CASZ1: variants seen among roughly 807,000 people sequenced by gnomAD.
The protein encoded by CASZ1 is castor zinc finger 1, also known as zinc finger protein castor homolog 1.
A neutral mutation model predicts 135.2 loss-of-function variants in CASZ1; 28 were observed. The ratio of observed to expected loss-of-function variants is 0.21; its 90% CI spans 0.15 to 0.28. The LOEUF (loss-of-function observed/expected upper bound fraction) is 0.28. Among genes scored for constraint, CASZ1 ranks in the 10% least tolerant of loss-of-function variants. CASZ1 has a pLI of 1.00. For synonymous variants in CASZ1, 1,068 were observed against 1,073.4 expected (o/e 0.99, Z 0.10); for missense variants, 2,161 against 2,453.3 (o/e 0.88, Z 2.52).
chr1:10,692,224 TG>T (rs1243610114), intron 4 of CASZ1, among the ~76,000 whole-genome samples: 1 of 152,224 alleles, frequency 6.6e-6, no homozygotes, highest in Non-Finnish European at 1.5e-5. Flanking sequence ...GGATGGACGC[TG>T]GCTCCAGCTG....
At chr1:10,752,621 T>C (rs1273590618) in intron 2 of CASZ1, among the ~76,000 whole-genome samples, 1 of 152,206 alleles carries the variant, frequency 6.6e-6, no homozygotes, top group Non-Finnish European at 1.5e-5. Context: ...CAGGGAGTGC[T>C]GGCTCTTCCA....
In CASZ1 at chr1:10,788,087, G is replaced by A. The variant is rs1279149744; in HGVS notation, c.-234+8477C>T. 2.0e-5 allele frequency among the ~76,000 whole-genome samples: 3 copies of A among 152,164 alleles called. No individual in the cohort carries two copies. The highest frequency in any genetic ancestry group is 4.4e-5 in the Non-Finnish European group (3 of 68,030). ...CAAACATCTTAGAATCCCAGAGAAC[G>A]TTAGCTGGATACGGGGATGTTCTCA... On this transcript the variant is annotated intron_variant, in intron 1 of 20. Transcript: ENST00000377022. The surrounding 1 kb of genome is among the most constrained non-coding windows in gnomAD (Gnocchi z 4.1).
intron 3 of CASZ1, among the ~76,000 whole-genome samples, chr1:10,695,564 T>TC (rs1557514501): frequency 1.9e-4 from 2 of 10,544 alleles, no homozygotes; most frequent in South Asian, 4.9e-3. Context: ...TCCCGGCTCC[T>TC]CCTCCCCTCC....
At chr1:10,763,910 T>G (rs1001208418) in intron 1 of CASZ1, among the ~76,000 whole-genome samples, 2 of 152,234 alleles carry the variant, frequency 1.3e-5, no homozygotes, top group Non-Finnish European at 2.9e-5. Context: ...TCACCCAGGC[T>G]GGAGTGCAGT....
intron 2 of CASZ1, among the ~76,000 whole-genome samples, chr1:10,745,851 C>T (rs544796760): frequency 2.0e-5 from 3 of 152,318 alleles, no homozygotes; most frequent in East Asian, 1.9e-4. Context: ...GGGACAAAAA[C>T]GGGGAAGAGC....
chr1:10,694,007 C>T lies in CASZ1; in HGVS notation c.-23-95G>A. ...GCCGCCCGCCCTGCTTGTCCCCCGCCCCGCAGGAGCGGCCCGTCCCGGGCG... is the reference window on the plus strand; with the variant it reads ...GCCGCCCGCCCTGCTTGTCCCCCGCTCCGCAGGAGCGGCCCGTCCCGGGCG... On this transcript the variant is annotated intron_variant, in intron 3 of 20. Transcript: ENST00000377022. This position sits in a 1 kb window ranked among gnomAD's most constrained non-coding sequence, Gnocchi z 6.6. 8.1e-7 allele frequency: 1 copy of T among 1,229,574 alleles called. No homozygotes were observed. Among genetic ancestry groups the T allele is most frequent in the East Asian group, 2.6e-5 (1 of 38,290 alleles). The allele number at this position is 1,229,574 out of a possible 1,614,324, so 76.2% of individuals were successfully genotyped here.
intron 4 of CASZ1, among the ~76,000 whole-genome samples, chr1:10,692,607 G>C (rs1425172972): frequency 2.6e-5 from 4 of 152,174 alleles, no homozygotes; most frequent in Admixed American, 2.0e-4. Context: ...CTCCACGTCA[G>C]ACCAGCCAAG....
rs759487011 is a variant in CASZ1 at position 10,643,175 on chromosome 1, G to A, written c.4005C>T (p.Arg1335=). 3.2e-5 allele frequency: 51 copies of A among 1,611,470 alleles called. 1 individual carries two copies. In the South Asian group the frequency reaches 4.5e-4, roughly 14 times the overall value. ...MRRMLGKNFD[R]VPPSQGPPGL... Reference sequence around the variant, plus strand: ...GGGCTCTCACCTGGGAGGGGGGCACGCGGTCGAAGTTCTTCCCCAGCATCC... The same window carrying A: ...GGGCTCTCACCTGGGAGGGGGGCACACGGTCGAAGTTCTTCCCCAGCATCC... Residue 1335 remains arginine, a synonymous_variant, in exon 19 of 21, where the codon CGC becomes CGT. Coordinates refer to ENST00000377022, the MANE Select transcript of CASZ1 (RefSeq NM_001079843.3).
rs142686535 is a variant in CASZ1 at position 10,657,679 on chromosome 1, C to G, written c.1409+829G>C. 6.6e-6 allele frequency among the ~76,000 whole-genome samples: 1 copy of G among 151,124 alleles called. No individual in the cohort carries two copies. Among genetic ancestry groups the G allele is most frequent in the Non-Finnish European group, 1.5e-5 (1 of 67,820 alleles). ...ACAGAGACAGAGCAGGACAGGGGATCGGAGACAGAGTGGGACGTGGAGGCG... is the reference window on the plus strand; with the variant it reads ...ACAGAGACAGAGCAGGACAGGGGATGGGAGACAGAGTGGGACGTGGAGGCG... On this transcript the variant is annotated intron_variant, in intron 7 of 20. Coordinates refer to ENST00000377022, the MANE Select transcript of CASZ1 (RefSeq NM_001079843.3). This position sits in a 1 kb window ranked among gnomAD's most constrained non-coding sequence, Gnocchi z 5.7.
At chr1:10,671,875 G>C (rs1643411187) in intron 4 of CASZ1, among the ~76,000 whole-genome samples, 1 of 152,234 alleles carries the variant, frequency 6.6e-6, no homozygotes. Context: ...GATGATGGCA[G>C]AAACACCCTG....
chr1:10,705,648 T>C (rs954623315), intron 2 of CASZ1, 104 bp from the exon 3 acceptor site: 1 of 152,380 alleles, frequency 6.6e-6, no homozygotes, highest in Non-Finnish European at 1.5e-5. Context: ...CTGCCCCACA[T>C]GGGCTGAGGG....
In CASZ1 at chr1:10,653,810, C is replaced by T. The variant is rs754565740; in HGVS notation, c.2247G>A (p.Ala749=). 192 of 1,609,140 alleles carry T rather than the reference C, an allele frequency of 1.2e-4. 3 individuals are homozygous for T. The South Asian group carries it at 1.6e-3, about 13-fold the overall frequency. The change falls in exon 11 of 21, where the codon GCG becomes GCA. Residue 749 remains alanine (A), a synonymous_variant. Transcript: ENST00000377022. The stretch of plus-strand genomic sequence containing the variant: ...TGGCGGCAGTGGCGGCAGCCAGGGA[C>T]GCAGAGGACTGCTGGCTGGTAGGGG... ...SASPTSQQSS[A]SLAAATAATE...
chr1:10,767,160 A>T lies in CASZ1; in HGVS notation c.-233-6303T>A, dbSNP rs949809140. On this transcript the variant is annotated intron_variant, in intron 1 of 20. Transcript: ENST00000377022. The surrounding 1 kb of genome is among the most constrained non-coding windows in gnomAD (Gnocchi z 4.2). The stretch of plus-strand genomic sequence containing the variant: ...CGTCCGCATTCCTCATGAGTTCCTG[A>T]TGGGAGGAACGAGGAGTGGGGAAAA... Among the ~76,000 whole-genome samples the T allele has an allele frequency of 2.1e-4, 32 of 151,614 alleles. No individual in the cohort carries two copies. Among genetic ancestry groups the T allele is most frequent in the African/African-American group, 7.8e-4 (32 of 41,274 alleles).
At chr1:10,783,881 A>AC (rs1640807563) in intron 1 of CASZ1, among the ~76,000 whole-genome samples, 3 of 151,388 alleles carry the variant, frequency 2.0e-5, no homozygotes, top group Admixed American at 2.0e-4. Context: ...CAAAAAAAAA[A>AC]AAAAAAAAAA....
At chr1:10,708,308 C>G (rs1639216730) in intron 2 of CASZ1, among the ~76,000 whole-genome samples, 1 of 152,208 alleles carries the variant, frequency 6.6e-6, no homozygotes, top group Non-Finnish European at 1.5e-5. Flanking sequence ...CCCACCATCC[C>G]ATTGCACAAG....
rs918235441 is a variant in CASZ1, at chr1:10,739,355, C to T, written c.-77+21346G>A. Among the ~76,000 whole-genome samples the T allele has an allele frequency of 4.6e-5, 7 of 152,136 alleles. No individual in the cohort carries two copies. Among genetic ancestry groups the T allele is most frequent in the African/African-American group, 1.7e-4 (7 of 41,424 alleles). ...AGTGTCACCGCGAGGGAAACCCTCCCAGGGGCCCGGGCCCAGGGTGGCCAC... is the reference window on the plus strand; with the variant it reads ...AGTGTCACCGCGAGGGAAACCCTCCTAGGGGCCCGGGCCCAGGGTGGCCAC... On this transcript the variant is annotated intron_variant, in intron 2 of 20. Transcript: ENST00000377022. This position sits in a 1 kb window ranked among gnomAD's most constrained non-coding sequence, Gnocchi z 4.8.
At chr1:10,746,866 G>A (rs1306494996) in intron 2 of CASZ1, among the ~76,000 whole-genome samples, 1 of 152,194 alleles carries the variant, frequency 6.6e-6, no homozygotes. Flanking sequence ...CTGGCTCCTG[G>A]GCCATGGAGC....
chr1:10,759,743 T>C lies in CASZ1; in HGVS notation c.-77+958A>G, dbSNP rs930087784. Among the ~76,000 whole-genome samples, 1 of 152,032 alleles carries C rather than the reference T, an allele frequency of 6.6e-6. No individual in the cohort carries two copies. Among genetic ancestry groups the C allele is most frequent in the African/African-American group, 2.4e-5 (1 of 41,382 alleles). On this transcript the variant is annotated intron_variant, in intron 2 of 20. Transcript: ENST00000377022. The surrounding 1 kb of genome is among the most constrained non-coding windows in gnomAD (Gnocchi z 4.2). ...AGGACACACCTGCCCAGAGTGACCA[T>C]GGGGAGGAAGAGCGCAGGCAGGTGA...
At chr1:10,655,887 C>A in intron 8 of CASZ1, 74 bp from the exon 9 acceptor site, 3 of 1,496,920 alleles carry the variant, frequency 2.0e-6, no homozygotes, top group Non-Finnish European at 2.8e-6. Context: ...GCCAAGAGCA[C>A]CTGGGCCAGG....
Sources: allele counts gnomAD v4.1 joint callset (sites outside exome capture counted in the v4.1 genomes callset), GRCh38; gene constraint gnomAD v4.1.1; non-coding constraint Gnocchi (gnomAD v3.1); transcripts MANE v1.5; gene names NCBI Gene and HGNC (gene_info 2026-07-23, HGNC 2026-07-21).